Variants in COL16A1 observed in about 807,000 individuals in gnomAD.
COL16A1 encodes the protein collagen type XVI alpha 1 chain, also known as collagen alpha-1(XVI) chain.
Under a neutral mutation model 266.3 loss-of-function variants are expected in COL16A1, and 189 were observed. That is an observed-to-expected ratio of 0.71 (90% CI 0.63 to 0.80). The LOEUF (loss-of-function observed/expected upper bound fraction) is 0.80, where lower values mean the gene tolerates loss of function less well. Among genes scored for constraint, COL16A1 ranks in the 30% least tolerant of loss-of-function variants. COL16A1 has a pLI of 0.00. For missense variants in COL16A1, 1,928 were observed against 2,122.4 expected (o/e 0.91, Z 1.80); for synonymous variants, 740 against 782.3 (o/e 0.95, Z 0.90).
chr1:31,653,051 T>C (rs1177561553), intron 70 of COL16A1, among the ~76,000 whole-genome samples, 198 bp from the exon 71 acceptor site: 2 of 152,264 alleles, frequency 1.3e-5, no homozygotes, highest in African/African-American at 2.4e-5. Flanking sequence ...AGAACTTCCA[T>C]GTGCCAGGCA....
chr1:31,702,723 G>A (rs1005678775), intron 1 of COL16A1, among the ~76,000 whole-genome samples: 1 of 152,130 alleles, frequency 6.6e-6, no homozygotes, highest in African/African-American at 2.4e-5. Flanking sequence ...GCCCTCCCAG[G>A]CACCCACAGG....
intron 48 of COL16A1, among the ~76,000 whole-genome samples, chr1:31,671,322 G>A (rs1403834170): frequency 6.6e-6 from 1 of 152,210 alleles, no homozygotes. Flanking sequence ...AGGGCGGCCT[G>A]GGGCCACTGT....
chr1:31,679,168 T>G (rs988343099), intron 42 of COL16A1: 4 of 425,718 alleles, frequency 9.4e-6, no homozygotes, highest in African/African-American at 2.0e-5. Context: ...TATATTTTAT[T>G]TATTTATCTT....
Position 31,697,161 on chromosome 1 carries a change from C to G in COL16A1, c.738+59G>C. On this transcript the variant is annotated intron_variant, in intron 7 of 70. Coordinates refer to ENST00000373672, the MANE Select transcript of COL16A1 (RefSeq NM_001856.4). The surrounding 1 kb of genome is among the most constrained non-coding windows in gnomAD (Gnocchi z 4.2). Reference sequence around the variant, plus strand: ...TCCTAAGACCTCCAGGCATCACCTTCCAGACCCTCATCTCCAGCACAGTGT... The same window carrying G: ...TCCTAAGACCTCCAGGCATCACCTTGCAGACCCTCATCTCCAGCACAGTGT... 1 of 1,612,752 alleles carries G rather than the reference C, an allele frequency of 6.2e-7. No homozygotes were observed. Among genetic ancestry groups the G allele is most frequent in the South Asian group, 1.1e-5 (1 of 91,038 alleles).
chr1:31,665,352 A>G, intron 55 of COL16A1, 118 bp from the exon 56 acceptor site: 1 of 1,476,460 alleles, frequency 6.8e-7, no homozygotes, highest in Non-Finnish European at 9.1e-7. Flanking sequence ...ACTTCCTAGA[A>G]GCACCACTTG....
At chr1:31,684,420 C>T in intron 31 of COL16A1, 103 bp downstream of exon 31, 18 of 1,524,180 alleles carry the variant, frequency 1.2e-5, no homozygotes, top group Non-Finnish European at 1.4e-5. Context: ...CTCTGACAGC[C>T]GTTAAGGCCC....
At chr1:31,667,795 T>G (rs940277787) in intron 51 of COL16A1, among the ~76,000 whole-genome samples, 167 bp from the exon 52 acceptor site, 2 of 152,162 alleles carry the variant, frequency 1.3e-5, no homozygotes, top group Non-Finnish European at 2.9e-5. Context: ...TCTGCCACCG[T>G]GCCCCCCAAG....
intron 22 of COL16A1, 50 bp from the exon 23 acceptor site, chr1:31,689,901 G>C (rs775841538): frequency 1.2e-5 from 18 of 1,518,304 alleles, no homozygotes; most frequent in Non-Finnish European, 1.5e-5. Context: ...TGAGACCCCA[G>C]GGAAGGCAAG....
intron 55 of COL16A1, 21 bp from the exon 56 acceptor site, chr1:31,665,255 G>C: frequency 6.3e-7 from 1 of 1,585,616 alleles, no homozygotes; most frequent in African/African-American, 1.4e-5. Context: ...AAAGGGGCAG[G>C]CAGGAATGAA....
intron 52 of COL16A1, among the ~76,000 whole-genome samples, chr1:31,667,210 C>T (rs948283296): frequency 6.6e-6 from 1 of 152,216 alleles, no homozygotes; most frequent in African/African-American, 2.4e-5. Context: ...CTCTGGGGGC[C>T]CCAGTGTCCT....
rs770962579 is a variant in COL16A1, at chr1:31,665,950, G to T, written c.3403-15C>A. The T allele has an allele frequency of 6.7e-5, 108 of 1,613,960 alleles. No homozygotes were observed. Among genetic ancestry groups the T allele is most frequent in the Non-Finnish European group, 8.6e-5 (102 of 1,179,998 alleles). On this transcript the variant is annotated splice_polypyrimidine_tract_variant and intron_variant, in intron 53 of 70. Transcript: ENST00000373672. ...CCTCTGGGACCCTGTCACCCACAGAGAACAATGCAGCCGAAACCTAATCTT... is the reference window on the plus strand; with the variant it reads ...CCTCTGGGACCCTGTCACCCACAGATAACAATGCAGCCGAAACCTAATCTT...
At chr1:31,684,747 G>A (rs1266282407) in intron 30 of COL16A1, 74 bp downstream of exon 30, 2 of 1,611,756 alleles carry the variant, frequency 1.2e-6, no homozygotes, top group Non-Finnish European at 1.7e-6. Flanking sequence ...GGGCTAGGGA[G>A]GGAGGAAAAT....
At position 31,698,324 on chromosome 1, in the gene COL16A1, T is replaced by C. The variant is rs566170099; in HGVS notation, c.391-152A>G. On this transcript the variant is annotated intron_variant, in intron 5 of 70. Transcript: ENST00000373672. The surrounding 1 kb of genome is among the most constrained non-coding windows in gnomAD (Gnocchi z 4.1). Reference sequence around the variant, plus strand: ...GCTGGGGTCAAGGAGCTATACATCCTGAAAGAATGAGGTAGGTACTGGTGG... The same window carrying C: ...GCTGGGGTCAAGGAGCTATACATCCCGAAAGAATGAGGTAGGTACTGGTGG... The C allele has an allele frequency of 6.5e-7, 1 of 1,529,600 alleles. No individual in the cohort carries two copies. The highest frequency in any genetic ancestry group is 2.3e-5 in the East Asian group (1 of 44,358). The allele number at this position is 1,529,600 out of a possible 1,614,324, so 94.8% of individuals were successfully genotyped here.
chr1:31,692,183 G>A, intron 16 of COL16A1, 116 bp from the exon 17 acceptor site: 2 of 1,499,412 alleles, frequency 1.3e-6, no homozygotes, highest in Non-Finnish European at 1.8e-6. Context: ...TCTCCCCTGA[G>A]GGTGAATGGC....
chr1:31,654,682 G>A, intron 68 of COL16A1, 110 bp downstream of exon 68: 2 of 1,588,310 alleles, frequency 1.3e-6, no homozygotes, highest in East Asian at 4.5e-5. Flanking sequence ...TGTGTGGAGG[G>A]TGAGAGCAGG....
At position 31,692,598 on chromosome 1, in the gene COL16A1, C is replaced by G. The variant is rs971084281; in HGVS notation, c.1158G>C (p.Leu386=). Residue 386 remains leucine, a splice_region_variant and synonymous_variant, in exon 15 of 71, where the codon CTG becomes CTC. Transcript: ENST00000373672. ...GCCCTATCCCTGGTCCCACACTCAC[C>G]AGAGCTCCTGACTCCCCCTTCTCTC... ...PKGEKGESGA[L]GPSGLPGSTG... 2 of 1,614,146 alleles carry G rather than the reference C, an allele frequency of 1.2e-6. No individual in the cohort carries two copies. Among genetic ancestry groups the G allele is most frequent in the Non-Finnish European group, 1.7e-6 (2 of 1,180,002 alleles).
chr1:31,695,317 A>G (rs6656079), intron 10 of COL16A1, 96 bp from the exon 11 acceptor site: 752,890 of 1,188,826 alleles, frequency 0.63, 244,139 homozygotes, highest in African/African-American at 0.77. Context: ...CATCACACAT[A>G]TCTTGAGTGG....
chr1:31,683,802 C>G, intron 33 of COL16A1, 54 bp from the exon 34 acceptor site: 1 of 1,613,396 alleles, frequency 6.2e-7, no homozygotes, highest in East Asian at 2.2e-5. Context: ...CACCCTTTCC[C>G]CTTCTCCCCA....
intron 2 of COL16A1, chr1:31,701,355 T>C: frequency 1.0e-6 from 1 of 985,274 alleles, no homozygotes; most frequent in Non-Finnish European, 1.2e-6. Context: ...AACACATATG[T>C]GCACATACAA....
Sources: allele counts gnomAD v4.1 joint callset (sites outside exome capture counted in the v4.1 genomes callset), GRCh38; gene constraint gnomAD v4.1.1; non-coding constraint Gnocchi (gnomAD v3.1); transcripts MANE v1.5; gene names NCBI Gene and HGNC (gene_info 2026-07-23, HGNC 2026-07-21).